The following SACS variants were observed in gnomAD, a reference collection of about 807,000 sequenced individuals.
The protein encoded by SACS is sacsin molecular chaperone, also known as sacsin.
Under a neutral mutation model 348.0 loss-of-function variants are expected in SACS, and 197 were observed. That is an observed-to-expected ratio of 0.57 (90% CI 0.50 to 0.64). SACS has a LOEUF of 0.64. Ranked by LOEUF, SACS falls within the 30% of genes least tolerant of loss-of-function variation. The pLI, the probability that SACS is intolerant of heterozygous loss-of-function variation, is 0.00. For synonymous variants in SACS, 1,985 were observed against 1,910.6 expected, an observed-to-expected ratio of 1.04 and a Z score of -1.02; for missense variants, 4,999 against 5,360.8, an observed-to-expected ratio of 0.93 and a Z score of 2.11.
intron 1 of SACS, among the ~76,000 whole-genome samples, chr13:23,411,999 C>T (rs1873500526): frequency 6.6e-6 from 1 of 152,210 alleles, no homozygotes; most frequent in Non-Finnish European, 1.5e-5. Context: ...GTGGCTCACG[C>T]CTGTAATCCC....
chr13:23,353,716 A>C (rs1417434556), intron 9 of SACS, 69 bp downstream of exon 9: 1 of 855,852 alleles, frequency 1.2e-6, no homozygotes, highest in Non-Finnish European at 1.9e-6. Context: ...AAAATGAATA[A>C]CAGAAAACTT....
In SACS at chr13:23,339,522, C is replaced by T. The variant is rs757039834; in HGVS notation, c.4354G>A (p.Glu1452Lys). The T allele has an allele frequency of 1.2e-5, 19 of 1,612,882 alleles. No individual in the cohort carries two copies. The South Asian group carries it at 1.6e-4, about 14-fold the overall frequency. The change falls in exon 10 of 10, where the codon GAG (glutamate) becomes AAG (lysine). Residue 1452 changes from glutamate to lysine, a missense_variant. Transcript: ENST00000382292. The part of the protein sequence containing the change: ...RLINPENMGF[E>K]QSGQREPLTV... ...AGTGGCTCTCTTTGTCCTGACTGCT[C>T]AAATCCCATGTTTTCAGGATTTATC...
At position 23,329,829 on chromosome 13, in the gene SACS, T is replaced by C. The variant is rs576860445; in HGVS notation, c.*307A>G. 8.1e-6 allele frequency: 4 copies of C among 492,632 alleles called. No homozygotes were observed. Among genetic ancestry groups the C allele is most frequent in the East Asian group, 3.8e-5 (1 of 26,540 alleles). The allele number at this position is 492,632 out of a possible 1,614,324, so 30.5% of individuals were successfully genotyped here. A position where few individuals can be genotyped will look rare whatever the true frequency, so the allele number is the denominator to read the frequency against. ...ACTTCATCCTAACCAGAGACATACA[T>C]AGACTCTTATCTAACAAACTGCTAA... On this transcript the variant is annotated 3_prime_UTR_variant, in exon 10 of 10. Transcript: ENST00000382292.
intron 1 of SACS, among the ~76,000 whole-genome samples, chr13:23,415,055 G>A (rs1323111584): frequency 4.0e-5 from 6 of 151,732 alleles, no homozygotes; most frequent in African/African-American, 1.5e-4. Context: ...TTTTTGAGAT[G>A]GAGTCTCGCT....
chr13:23,425,970 T>TA (rs112159765), intron 1 of SACS, among the ~76,000 whole-genome samples: 1,836 of 152,344 alleles, frequency 0.012, 32 homozygotes, highest in African/African-American at 0.041. Context: ...TTAGATTTGT[T>TA]AAAGTGATTT....
At chr13:23,365,577 C>A (rs1465756174) in intron 5 of SACS, among the ~76,000 whole-genome samples, 1 of 152,048 alleles carries the variant, frequency 6.6e-6, no homozygotes, top group Non-Finnish European at 1.5e-5. Flanking sequence ...TACAATCTAC[C>A]CAAAGCTTTT....
Position 23,338,448 on chromosome 13 carries a change from G to C in SACS, c.5428C>G (p.Gln1810Glu). 1 of 1,614,086 alleles carries C rather than the reference G, an allele frequency of 6.2e-7. No homozygotes were observed. Among genetic ancestry groups the C allele is most frequent in the South Asian group, 1.1e-5 (1 of 91,076 alleles). The change falls in exon 10 of 10, where the codon CAG (glutamine) becomes GAG (glutamate). Residue 1810 changes from glutamine (Q) to glutamate (E), a missense_variant. Coordinates refer to ENST00000382292, the MANE Select transcript of SACS (RefSeq NM_014363.6). The part of the protein sequence containing the change: ...QSKKPSDELS[Q>E]KTVECTTWLL... Reference sequence around the variant, plus strand: ...CACGTGGTACACTCTACTGTTTTCTGTGACAACTCATCTGATGGCTTTTTT... The same window carrying C: ...CACGTGGTACACTCTACTGTTTTCTCTGACAACTCATCTGATGGCTTTTTT...
At position 23,333,893 on chromosome 13, in the gene SACS, C is replaced by T. The variant is rs1293186740; in HGVS notation, c.9983G>A (p.Gly3328Asp). 1 of 1,613,694 alleles carries T rather than the reference C, an allele frequency of 6.2e-7. No individual in the cohort carries two copies. The highest frequency in any genetic ancestry group is 1.3e-5 in the African/African-American group (1 of 74,870). ...DKVFHALMKA[G>D]CIQLALNKIC... The stretch of plus-strand genomic sequence containing the variant: ...TTTGTTCAAAGCAAGCTGAATACAG[C>T]CAGCTTTCATTAGAGCATGAAAAAC... The change falls in exon 10 of 10, where the codon GGC becomes GAC. Residue 3328 changes from glycine to aspartate, a missense_variant. Physicochemically the swap from Gly to Asp is moderately conservative, Grantham distance 94. This residue lies in a region of SACS where 734 missense variants were observed against 694.0 expected (regional missense o/e 1.06). Transcript: ENST00000382292.
intron 1 of SACS, among the ~76,000 whole-genome samples, chr13:23,422,832 AG>A (rs1314421532): frequency 6.6e-6 from 1 of 152,196 alleles, no homozygotes; most frequent in Non-Finnish European, 1.5e-5. Flanking sequence ...AACACATACT[AG>A]AAACATGTTT....
intron 2 of SACS, among the ~76,000 whole-genome samples, chr13:23,379,654 G>A (rs764224501): frequency 4.6e-5 from 7 of 152,170 alleles, no homozygotes; most frequent in Non-Finnish European, 7.3e-5. Flanking sequence ...CACTGCTTGT[G>A]GGACAGACCC....
At position 23,381,244 on chromosome 13, in the gene SACS, G is replaced by A. The variant is rs79315611; in HGVS notation, c.21-5975C>T. On this transcript the variant is annotated intron_variant, in intron 2 of 9. Transcript: ENST00000382292. ...TTGCTTGAGATTCTAAAGATCATGC[G>A]CAGTGCTCATCAGGGCCCAGTGTCC... is the stretch of plus-strand genomic sequence containing the variant. Among the ~76,000 whole-genome samples the A allele has an allele frequency of 9.3e-3, 1,418 of 152,110 alleles. 27 individuals are homozygous for A. The highest frequency in any genetic ancestry group is 0.033 in the African/African-American group (1,365 of 41,482).
rs1868563255 is a variant in SACS at position 23,336,075 on chromosome 13, C to A, written c.7801G>T (p.Val2601Phe). The change falls in exon 10 of 10, where the codon GTT (valine) becomes TTT (phenylalanine). Residue 2601 changes from valine (V) to phenylalanine (F), a missense_variant. Coordinates refer to ENST00000382292, the MANE Select transcript of SACS (RefSeq NM_014363.6). The part of the protein sequence containing the change: ...YNNQPFTEDD[V>F]RGIQNLGKGT... ...TTTCCAAGATTCTGAATTCCTCTAA[C>A]ATCATCTTCTGTAAATGGCTGGTTG... is the stretch of plus-strand genomic sequence containing the variant. The A allele has an allele frequency of 6.2e-7, 1 of 1,611,658 alleles. No individual in the cohort carries two copies. The highest frequency in any genetic ancestry group is 1.7e-5 in the Admixed American group (1 of 59,916).
chr13:23,344,691 T>G (rs1318272244), intron 9 of SACS, among the ~76,000 whole-genome samples: 2 of 152,188 alleles, frequency 1.3e-5, no homozygotes, highest in Admixed American at 6.5e-5. Context: ...AATGAAATGG[T>G]TTTTGTAGCC....
At chr13:23,430,882 G>A (rs1160008561) in intron 1 of SACS, among the ~76,000 whole-genome samples, 1 of 152,152 alleles carries the variant, frequency 6.6e-6, no homozygotes, top group South Asian at 2.1e-4. Flanking sequence ...CAGAACCAAC[G>A]TGTCACCTTG....
chr13:23,396,749 T>C (rs1427721051), intron 2 of SACS, among the ~76,000 whole-genome samples: 1 of 152,168 alleles, frequency 6.6e-6, no homozygotes, highest in Non-Finnish European at 1.5e-5. Context: ...TAACTGAAAA[T>C]AGTTAACAGT....
intron 3 of SACS, among the ~76,000 whole-genome samples, chr13:23,372,133 C>G (rs1463656826): frequency 6.6e-6 from 1 of 152,122 alleles, no homozygotes; most frequent in Non-Finnish European, 1.5e-5. Flanking sequence ...GCCGAAGTAC[C>G]TGTGCAAAGA....
intron 1 of SACS, among the ~76,000 whole-genome samples, chr13:23,421,066 C>A (rs1365128805): frequency 6.6e-6 from 1 of 152,048 alleles, no homozygotes; most frequent in Non-Finnish European, 1.5e-5. Flanking sequence ...CCACCTAGGA[C>A]CTGGTGTGCA....
chr13:23,349,959 G>A (rs1869848965), intron 9 of SACS, among the ~76,000 whole-genome samples: 1 of 152,202 alleles, frequency 6.6e-6, no homozygotes, highest in Non-Finnish European at 1.5e-5. Flanking sequence ...GTGGATGAAT[G>A]TATTCAAGGA....
At chr13:23,394,742 C>T (rs1305741050) in intron 2 of SACS, among the ~76,000 whole-genome samples, 1 of 152,174 alleles carries the variant, frequency 6.6e-6, no homozygotes, top group Non-Finnish European at 1.5e-5. Flanking sequence ...GTAGTCCCAG[C>T]TACTCGGGAG....
Sources: allele counts gnomAD v4.1 joint callset (sites outside exome capture counted in the v4.1 genomes callset), GRCh38; gene constraint gnomAD v4.1.1; regional missense constraint gnomAD v4.1.1; transcripts MANE v1.5; gene names NCBI Gene and HGNC (gene_info 2026-07-23, HGNC 2026-07-21).